The following SNTB1 variants were observed in gnomAD, a reference collection of about 807,000 sequenced individuals.
The protein encoded by SNTB1 is beta-1-syntrophin.
A neutral mutation model predicts 48.9 loss-of-function variants in SNTB1; 36 were observed. The observed-to-expected ratio is 0.74, with a 90% CI of 0.56 to 0.97. SNTB1 has a LOEUF of 0.97. Among genes scored for constraint, SNTB1 ranks in the 50% least tolerant of loss-of-function variants. The pLI is 0.00. For synonymous variants in SNTB1, 299 were observed against 294.6 expected, an observed-to-expected ratio of 1.01 and a Z score of -0.15; for missense variants, 786 against 703.4, an observed-to-expected ratio of 1.12 and a Z score of -1.33.
rs371133237 is a variant in SNTB1, at chr8:120,754,239, T to C, written c.571+57034A>G. On this transcript the variant is annotated intron_variant, in intron 1 of 6. Coordinates refer to ENST00000517992, the MANE Select transcript of SNTB1 (RefSeq NM_021021.4). ...GAAATATAGTTAAGAAATAAAGTTC[T>C]CCCAGCACTTTAGGAGACTGAGGCA... Among the ~76,000 whole-genome samples, 6 of 152,186 alleles carry C rather than the reference T, an allele frequency of 3.9e-5. No homozygotes were observed. The East Asian group carries it at 9.7e-4, about 25-fold the overall frequency.
At chr8:120,551,143 C>A (rs182240708) in intron 4 of SNTB1, among the ~76,000 whole-genome samples, 1 of 151,556 alleles carries the variant, frequency 6.6e-6, no homozygotes, top group East Asian at 1.9e-4. Context: ...GTAATTCCAG[C>A]TACTTGGGAG....
chr8:120,646,799 C>T (rs953962206), intron 2 of SNTB1, among the ~76,000 whole-genome samples: 2 of 152,136 alleles, frequency 1.3e-5, no homozygotes, highest in Admixed American at 1.3e-4. Context: ...TGGTTCTGGA[C>T]TCTTTTTGGT....
intron 1 of SNTB1, among the ~76,000 whole-genome samples, chr8:120,786,158 G>A (rs1412355777): frequency 1.3e-5 from 2 of 152,206 alleles, no homozygotes; most frequent in Admixed American, 6.5e-5. Context: ...AGTCTGGGGT[G>A]CGGAAGCCCC....
intron 1 of SNTB1, among the ~76,000 whole-genome samples, chr8:120,762,490 C>T (rs1456027588): frequency 6.6e-6 from 1 of 152,156 alleles, no homozygotes; most frequent in Non-Finnish European, 1.5e-5. Flanking sequence ...TCTCTTGTTA[C>T]CTGATGAAAG....
At chr8:120,632,170 G>C (rs1380160756) in intron 3 of SNTB1, among the ~76,000 whole-genome samples, 2 of 152,134 alleles carry the variant, frequency 1.3e-5, no homozygotes, top group Non-Finnish European at 2.9e-5. Context: ...TGTTAAAATA[G>C]GATCAAACTA....
Position 120,537,002 on chromosome 8 carries a change from T to A in SNTB1, c.*1875A>T, listed in dbSNP as rs1157505407. The A allele has an allele frequency of 2.0e-5, 3 of 152,062 alleles. No homozygotes were observed. In the East Asian group the frequency reaches 5.8e-4, roughly 29 times the overall value. 9.4% of individuals were successfully genotyped at this position (152,062 alleles called of 1,614,324 possible). A position where few individuals can be genotyped will look rare whatever the true frequency, so the allele number is the denominator to read the frequency against. The stretch of plus-strand genomic sequence containing the variant: ...CAACATTCCAGTGATTTTGAAAATA[T>A]ATAGTGAAAGAGTGCAATATAATTT... On this transcript the variant is annotated 3_prime_UTR_variant, in exon 7 of 7. Transcript: ENST00000517992.
intron 1 of SNTB1, among the ~76,000 whole-genome samples, chr8:120,742,697 T>A (rs976796290): frequency 3.9e-5 from 6 of 152,244 alleles, no homozygotes; most frequent in Admixed American, 1.3e-4. Flanking sequence ...GTAATGAATT[T>A]GCCTCTTACA....
intron 3 of SNTB1, among the ~76,000 whole-genome samples, chr8:120,616,489 T>TC (rs2130736830): frequency 6.6e-6 from 1 of 151,418 alleles, no homozygotes; most frequent in Non-Finnish European, 1.5e-5. Context: ...TTTTTTTTTT[T>TC]TTTTGTAAAA....
chr8:120,733,397 G>T (rs566952303), intron 1 of SNTB1, among the ~76,000 whole-genome samples: 1 of 152,364 alleles, frequency 6.6e-6, no homozygotes, highest in South Asian at 2.1e-4. Context: ...CATTGGTTTT[G>T]TGTTCAGCAC....
At chr8:120,748,561 A>G (rs1819163190) in intron 1 of SNTB1, among the ~76,000 whole-genome samples, 1 of 152,222 alleles carries the variant, frequency 6.6e-6, no homozygotes, top group Non-Finnish European at 1.5e-5. Context: ...AGTACATAAC[A>G]TACAAAATAT....
intron 1 of SNTB1, among the ~76,000 whole-genome samples, chr8:120,754,760 G>A (rs1819285723): frequency 6.6e-6 from 1 of 152,142 alleles, no homozygotes; most frequent in African/African-American, 2.4e-5. Flanking sequence ...TCTGTGCCCA[G>A]GGCACAAACA....
chr8:120,723,790 A>C (rs1287971182), intron 1 of SNTB1, among the ~76,000 whole-genome samples: 1 of 152,226 alleles, frequency 6.6e-6, no homozygotes, highest in Non-Finnish European at 1.5e-5. Flanking sequence ...AGAACATGAA[A>C]TGTGTTTAGA....
At chr8:120,701,607 A>T (rs1488431147) in intron 1 of SNTB1, among the ~76,000 whole-genome samples, 1 of 152,258 alleles carries the variant, frequency 6.6e-6, no homozygotes, top group East Asian at 1.9e-4. Flanking sequence ...GGCACCTGAC[A>T]AATAGGAATA....
At chr8:120,566,672 C>G (rs1815754039) in intron 4 of SNTB1, among the ~76,000 whole-genome samples, 1 of 152,168 alleles carries the variant, frequency 6.6e-6, no homozygotes, top group South Asian at 2.1e-4. Flanking sequence ...GTCAGAAACA[C>G]CTGGAGGCTT....
At chr8:120,542,143 G>T in intron 5 of SNTB1, 143 bp from the exon 6 acceptor site, 1 of 588,838 alleles carries the variant, frequency 1.7e-6, no homozygotes, top group Non-Finnish European at 2.9e-6. Context: ...CATTGTTCAT[G>T]AAAATATTCT....
intron 4 of SNTB1, among the ~76,000 whole-genome samples, chr8:120,554,568 G>A (rs1250417875): frequency 6.6e-6 from 1 of 152,062 alleles, no homozygotes; most frequent in Non-Finnish European, 1.5e-5. Context: ...CCACCACTAC[G>A]ACTGCTGTCA....
chr8:120,539,914 A>C (rs1815257341), intron 6 of SNTB1, among the ~76,000 whole-genome samples: 1 of 152,208 alleles, frequency 6.6e-6, no homozygotes, highest in Non-Finnish European at 1.5e-5. Flanking sequence ...TGTATAGGGA[A>C]ACTAAGATTC....
At chr8:120,777,315 C>A (rs1183005190) in intron 1 of SNTB1, among the ~76,000 whole-genome samples, 9 of 152,204 alleles carry the variant, frequency 5.9e-5, no homozygotes, top group Non-Finnish European at 1.2e-4. Context: ...CTGTTCCCCA[C>A]CCAACTGAGC....
intron 2 of SNTB1, among the ~76,000 whole-genome samples, chr8:120,633,266 C>G (rs1261813193): frequency 6.6e-6 from 1 of 152,060 alleles, no homozygotes; most frequent in African/African-American, 2.4e-5. Flanking sequence ...ATGAATTGGC[C>G]TAGGAAGAGG....
Sources: gnomAD v4.1 joint callset for allele counts (sites outside exome capture counted in the v4.1 genomes callset) on GRCh38, gnomAD v4.1.1 for gene constraint, MANE v1.5 for transcripts, NCBI Gene and HGNC (gene_info 2026-07-23, HGNC 2026-07-21) for gene names.